Variants in ZNF578 observed in about 807,000 individuals in gnomAD.
The protein encoded by ZNF578 is Putative chemokine-related protein B42.
A neutral mutation model predicts 8.3 loss-of-function variants in ZNF578; 8 were observed. The observed-to-expected ratio is 0.96, with a 90% CI of 0.56 to 1.74. The LOEUF (loss-of-function observed/expected upper bound fraction) is 1.74. Among genes scored for constraint, ZNF578 ranks in the 40% most tolerant of loss-of-function variants. The pLI is 0.00. For synonymous variants in ZNF578, 206 were observed against 232.2 expected (o/e 0.89, Z 1.03); for missense variants, 726 against 707.5 (o/e 1.03, Z -0.30).
At chr19:52,471,398 T>A (rs2059291348) in intron 2 of ZNF578, among the ~76,000 whole-genome samples, 1 of 152,168 alleles carries the variant, frequency 6.6e-6, no homozygotes, top group Non-Finnish European at 1.5e-5. Context: ...TAAACTCCCT[T>A]TTATATATAC....
chr19:52,461,907 G>A (rs938878323), intron 2 of ZNF578, among the ~76,000 whole-genome samples: 4 of 152,106 alleles, frequency 2.6e-5, no homozygotes, highest in African/African-American at 9.7e-5. Flanking sequence ...TACCAAAATT[G>A]GTCCAAATTA....
At position 52,459,612 on chromosome 19, in the gene ZNF578, T is replaced by TACAC. The variant is rs71180468; in HGVS notation, c.-122+2690_-122+2693dup. On this transcript the variant is annotated intron_variant, in intron 2 of 5. Coordinates refer to ENST00000421239, the MANE Select transcript of ZNF578 (RefSeq NM_001099694.2). The stretch of plus-strand genomic sequence containing the variant: ...TGCTTTCAAGTCTTTAATGTGTATG[T>TACAC]ACACACACACACACACACACACACA... Among the ~76,000 whole-genome samples, 372 of 118,750 alleles carry TACAC rather than the reference T, an allele frequency of 3.1e-3. 4 individuals carry two copies. Among genetic ancestry groups the TACAC allele is most frequent in the East Asian group, 0.01 (35 of 3,392 alleles). 77.9% of individuals were successfully genotyped at this position (118,750 alleles called of 152,430 possible). A position where few individuals can be genotyped will look rare whatever the true frequency, so the allele number is the denominator to read the frequency against.
chr19:52,501,375 T>A (rs145572799), intron 3 of ZNF578, among the ~76,000 whole-genome samples: 19,100 of 152,202 alleles, frequency 0.13, 1,553 homozygotes, highest in Non-Finnish European at 0.18. Context: ...GGATTCTTAT[T>A]CTGACGGGAT....
At chr19:52,466,989 T>C (rs2059277214) in intron 2 of ZNF578, among the ~76,000 whole-genome samples, 1 of 151,992 alleles carries the variant, frequency 6.6e-6, no homozygotes, top group Non-Finnish European at 1.5e-5. Flanking sequence ...TTTCACGTTT[T>C]CCCAGGCAAC....
At chr19:52,465,494 T>C (rs2059272018) in intron 2 of ZNF578, among the ~76,000 whole-genome samples, 2 of 152,240 alleles carry the variant, frequency 1.3e-5, no homozygotes, top group Admixed American at 1.3e-4. Flanking sequence ...CCTCATCGTC[T>C]GTCTGAAAAG....
intron 3 of ZNF578, among the ~76,000 whole-genome samples, chr19:52,491,994 G>A (rs770134607): frequency 1.3e-5 from 2 of 151,224 alleles, no homozygotes; most frequent in Non-Finnish European, 3.0e-5. Flanking sequence ...CCCCATCTCT[G>A]CTAAAAATAC....
At chr19:52,475,341 T>C (rs1157846655) in intron 2 of ZNF578, 3 of 181,500 alleles carry the variant, frequency 1.7e-5, no homozygotes, top group Non-Finnish European at 3.5e-5. Flanking sequence ...TTTTTCTTTC[T>C]TTTCTTTCTT....
In ZNF578 at chr19:52,513,639, A is replaced by G. The variant is rs1291259034; in HGVS notation, c.*1485A>G. On this transcript the variant is annotated 3_prime_UTR_variant, in exon 6 of 6. Transcript: ENST00000421239. ...CAGCTACTCAGGGGGCTGAGGCTGG[A>G]CAATGGTGTGAACCCAGGAGGCGGT... Among the ~76,000 whole-genome samples the G allele has an allele frequency of 2.0e-5, 3 of 151,478 alleles. No individual in the cohort carries two copies. Among genetic ancestry groups the G allele is most frequent in the East Asian group, 1.9e-4 (1 of 5,130 alleles).
At chr19:52,505,405 ATTT>A (rs756100367) in intron 5 of ZNF578, among the ~76,000 whole-genome samples, 12 of 136,812 alleles carry the variant, frequency 8.8e-5, no homozygotes, top group Non-Finnish European at 1.2e-4. Flanking sequence ...GTCATTGTTC[ATTT>A]TTTGTTTGTT....
chr19:52,462,872 C>G lies in ZNF578; in HGVS notation c.-122+5914C>G, dbSNP rs551358114. ...GGAAATACAAGCAAACCCTCTTCCC[C>G]ATGTTATAACTCTCCCTCTTTCCCA... On this transcript the variant is annotated intron_variant, in intron 2 of 5. Transcript: ENST00000421239. Among the ~76,000 whole-genome samples the G allele has an allele frequency of 9.2e-5, 14 of 152,284 alleles. No homozygotes were observed. In the East Asian group the frequency reaches 9.7e-4, roughly 10 times the overall value.
At chr19:52,492,262 C>A (rs2059368234) in intron 3 of ZNF578, among the ~76,000 whole-genome samples, 1 of 151,830 alleles carries the variant, frequency 6.6e-6, no homozygotes, top group Non-Finnish European at 1.5e-5. Flanking sequence ...TCTGGACCCC[C>A]AGGTTCAGCG....
chr19:52,470,096 C>T (rs2059287446), intron 2 of ZNF578, among the ~76,000 whole-genome samples: 1 of 152,148 alleles, frequency 6.6e-6, no homozygotes, highest in African/African-American at 2.4e-5. Context: ...AATGGCCTCC[C>T]TACCCCTCAT....
At chr19:52,486,828 A>G (rs1479454766) in intron 2 of ZNF578, among the ~76,000 whole-genome samples, 1 of 151,908 alleles carries the variant, frequency 6.6e-6, no homozygotes, top group African/African-American at 2.4e-5. Context: ...TATTGGGGAG[A>G]AGGAGCAATA....
intron 2 of ZNF578, chr19:52,475,307 G>T (rs541081432): frequency 7.4e-5 from 16 of 216,944 alleles, no homozygotes; most frequent in Non-Finnish European, 1.5e-4. Flanking sequence ...ATTTATTAAC[G>T]TGAGTTTTCA....
chr19:52,459,456 T>C (rs775283920), intron 2 of ZNF578, among the ~76,000 whole-genome samples: 1 of 152,016 alleles, frequency 6.6e-6, no homozygotes, highest in Non-Finnish European at 1.5e-5. Context: ...TGAATAATAT[T>C]CCATTGCATG....
At chr19:52,494,961 A>G (rs1299870670) in intron 3 of ZNF578, among the ~76,000 whole-genome samples, 1 of 151,940 alleles carries the variant, frequency 6.6e-6, no homozygotes, top group African/African-American at 2.4e-5. Flanking sequence ...TCTCCTGAGT[A>G]GCTGAGACCA....
chr19:52,479,558 A>AG (rs1467767810), intron 2 of ZNF578, among the ~76,000 whole-genome samples: 2 of 151,856 alleles, frequency 1.3e-5, no homozygotes, highest in East Asian at 3.9e-4. Flanking sequence ...AAAAAAAAAA[A>AG]AAAAGGAAAA....
Position 52,514,235 on chromosome 19 carries a change from G to C in ZNF578, c.*2081G>C, listed in dbSNP as rs1009957926. Among the ~76,000 whole-genome samples the C allele has an allele frequency of 2.6e-5, 4 of 152,056 alleles. No individual in the cohort carries two copies. The highest frequency in any genetic ancestry group is 5.9e-5 in the Non-Finnish European group (4 of 68,026). Reference sequence around the variant, plus strand: ...ATGCCTTTGCAGCATCCTGTAATCAGCTCACATCATTCGTTTCTGTACTTG... The same window carrying C: ...ATGCCTTTGCAGCATCCTGTAATCACCTCACATCATTCGTTTCTGTACTTG... On this transcript the variant is annotated 3_prime_UTR_variant, in exon 6 of 6. Coordinates refer to ENST00000421239, the MANE Select transcript of ZNF578 (RefSeq NM_001099694.2).
intron 2 of ZNF578, among the ~76,000 whole-genome samples, chr19:52,463,381 G>C (rs140345485): frequency 1.3e-5 from 2 of 152,296 alleles, no homozygotes; most frequent in Non-Finnish European, 2.9e-5. Context: ...ATGTCCATTT[G>C]CCAGATCTTG....
Sources: allele counts gnomAD v4.1 joint callset (sites outside exome capture counted in the v4.1 genomes callset), GRCh38; gene constraint gnomAD v4.1.1; transcripts MANE v1.5; gene names NCBI Gene and HGNC (gene_info 2026-07-23, HGNC 2026-07-21).